The following XKR6 variants were observed in gnomAD, a reference collection of about 807,000 sequenced individuals.
XKR6 encodes XK-related protein 6.
XKR6 carries 22 observed loss-of-function variants against 56.7 expected under a neutral mutation model. The ratio of observed to expected loss-of-function variants is 0.39; its 90% confidence interval spans 0.28 to 0.55. XKR6 has a LOEUF of 0.55. Among genes scored for constraint, XKR6 ranks in the 20% least tolerant of loss-of-function variants. XKR6 has a pLI of 0.66. For missense variants in XKR6, 852 were observed against 889.0 expected (o/e 0.96, Z 0.53); for synonymous variants, 524 against 387.8 (o/e 1.35, Z -4.13).
chr8:11,125,527 A>G (rs1419963229), intron 1 of XKR6, among the ~76,000 whole-genome samples: 2 of 152,174 alleles, frequency 1.3e-5, no homozygotes, highest in African/African-American at 2.4e-5. Flanking sequence ...TTGCAGGGCC[A>G]TAACGGAGAT....
chr8:10,967,815 G>C (rs1802272331), intron 1 of XKR6, among the ~76,000 whole-genome samples: 1 of 152,208 alleles, frequency 6.6e-6, no homozygotes, highest in African/African-American at 2.4e-5. Context: ...GGTGGGGTGA[G>C]GCCTTAGGTG....
At chr8:11,179,334 T>C (rs11775489) in intron 1 of XKR6, among the ~76,000 whole-genome samples, 45,703 of 152,036 alleles carry the variant, frequency 0.3, 7,573 homozygotes, top group Non-Finnish European at 0.37. Flanking sequence ...TACTGGACTT[T>C]AGCCACCATA....
chr8:10,947,516 C>T (rs972087366), intron 1 of XKR6, among the ~76,000 whole-genome samples: 5 of 152,062 alleles, frequency 3.3e-5, no homozygotes, highest in Admixed American at 6.5e-5. Context: ...GCTTAGCTTC[C>T]ATGGAAGAGG....
At chr8:10,903,845 C>G (rs1034921520) in intron 2 of XKR6, among the ~76,000 whole-genome samples, 3 of 152,148 alleles carry the variant, frequency 2.0e-5, no homozygotes, top group Non-Finnish European at 2.9e-5. Flanking sequence ...CTGTGCACAG[C>G]CACCGCCGAG....
chr8:11,109,016 T>A (rs534552296), intron 1 of XKR6: 1 of 152,190 alleles, frequency 6.6e-6, no homozygotes, highest in Non-Finnish European at 1.5e-5. Context: ...GATGTATTCG[T>A]CCCTGGGTAA....
chr8:11,058,493 A>G (rs945920189), intron 1 of XKR6, among the ~76,000 whole-genome samples: 4 of 152,240 alleles, frequency 2.6e-5, no homozygotes, highest in African/African-American at 9.6e-5. Flanking sequence ...TATACCATGG[A>G]ATACTATGCA....
intron 1 of XKR6, among the ~76,000 whole-genome samples, chr8:11,147,680 A>G (rs1801057543): frequency 6.6e-6 from 1 of 151,012 alleles, no homozygotes; most frequent in Non-Finnish European, 1.5e-5. Flanking sequence ...AGCTATATGG[A>G]TGGCAAATAA....
intron 1 of XKR6, among the ~76,000 whole-genome samples, chr8:11,197,328 G>A (rs377179651): frequency 2.6e-5 from 4 of 152,204 alleles, no homozygotes; most frequent in African/African-American, 9.7e-5. Context: ...AACTGACAAT[G>A]CACTAAGCAA....
intron 1 of XKR6, among the ~76,000 whole-genome samples, chr8:11,180,127 G>A (rs963396759): frequency 6.6e-6 from 1 of 152,152 alleles, no homozygotes; most frequent in African/African-American, 2.4e-5. Flanking sequence ...GCGACAGACT[G>A]AGACCCTGTC....
At chr8:11,016,217 C>T (rs904807496) in intron 1 of XKR6, among the ~76,000 whole-genome samples, 1 of 152,214 alleles carries the variant, frequency 6.6e-6, no homozygotes, top group Non-Finnish European at 1.5e-5. Flanking sequence ...CCGGGCGGGA[C>T]CTTCCTCCCC....
At chr8:11,118,716 T>A (rs1799297842) in intron 1 of XKR6, among the ~76,000 whole-genome samples, 1 of 152,224 alleles carries the variant, frequency 6.6e-6, no homozygotes, top group Admixed American at 6.5e-5. Flanking sequence ...TTTATTAGTC[T>A]TGCTAGTGGT....
chr8:10,952,882 A>G (rs1586348413), intron 1 of XKR6, among the ~76,000 whole-genome samples: 1 of 152,154 alleles, frequency 6.6e-6, no homozygotes, highest in African/African-American at 2.4e-5. Context: ...AGGAAGCATT[A>G]CCACCTGAGC....
At chr8:10,959,504 T>C (rs1157363799) in intron 1 of XKR6, among the ~76,000 whole-genome samples, 1 of 152,174 alleles carries the variant, frequency 6.6e-6, no homozygotes, top group African/African-American at 2.4e-5. Context: ...GTGGATTTGG[T>C]TCCTGGTGAG....
intron 2 of XKR6, among the ~76,000 whole-genome samples, chr8:10,900,943 C>A (rs1279668601): frequency 6.7e-6 from 1 of 150,030 alleles, no homozygotes. Context: ...AAGCCTCAAC[C>A]TCCTGTGCTC....
intron 1 of XKR6, among the ~76,000 whole-genome samples, chr8:11,056,609 G>A (rs1289817969): frequency 6.6e-6 from 1 of 152,206 alleles, no homozygotes; most frequent in African/African-American, 2.4e-5. Flanking sequence ...CTGGGGAAGG[G>A]CAGGTCACTG....
chr8:11,035,136 G>T (rs567621841), intron 1 of XKR6: 1 of 521,478 alleles, frequency 1.9e-6, no homozygotes, highest in East Asian at 5.7e-5. Context: ...CCATGAGGTC[G>T]AAAGACAAAC....
intron 1 of XKR6, among the ~76,000 whole-genome samples, chr8:11,178,574 G>GCA (rs1802795161): frequency 9.7e-6 from 1 of 102,860 alleles, no homozygotes; most frequent in African/African-American, 3.7e-5. Flanking sequence ...ATATATATAT[G>GCA]TATATATATA....
At chr8:11,099,301 T>C (rs1192397783) in intron 1 of XKR6, among the ~76,000 whole-genome samples, 1 of 152,228 alleles carries the variant, frequency 6.6e-6, no homozygotes, top group Non-Finnish European at 1.5e-5. Context: ...TCTAACACAA[T>C]AGCCACACCA....
chr8:10,939,440 G>C (rs1048981244), intron 1 of XKR6, among the ~76,000 whole-genome samples: 1 of 152,204 alleles, frequency 6.6e-6, no homozygotes, highest in African/African-American at 2.4e-5. Context: ...AGGGACAGCT[G>C]CTCCCACAGT....
Sources: gnomAD v4.1 joint callset for allele counts (sites outside exome capture counted in the v4.1 genomes callset) on GRCh38, gnomAD v4.1.1 for gene constraint, MANE v1.5 for transcripts, NCBI Gene and HGNC (gene_info 2026-07-23, HGNC 2026-07-21) for gene names.